The following N4BP1 variants were observed in gnomAD, a reference collection of about 807,000 sequenced individuals.
The protein encoded by N4BP1 is NEDD4-binding protein 1.
Under a neutral mutation model 70.9 loss-of-function variants are expected in N4BP1, and 21 were observed. That is an observed-to-expected ratio of 0.30 (90% CI 0.21 to 0.43). The LOEUF is 0.43. N4BP1 is among the 20% of genes least tolerant of loss of function. The pLI is 1.00. For synonymous variants in N4BP1, 387 were observed against 394.6 expected (o/e 0.98, Z 0.23); for missense variants, 936 against 1,069.4 (o/e 0.88, Z 1.74).
intron 1 of N4BP1, among the ~76,000 whole-genome samples, chr16:48,580,992 T>C (rs1366858765): frequency 6.6e-6 from 1 of 152,094 alleles, no homozygotes. Context: ...TTCATATCCG[T>C]GAGAGATCCT....
At chr16:48,604,182 G>A (rs998079113) in intron 1 of N4BP1, among the ~76,000 whole-genome samples, 1 of 152,186 alleles carries the variant, frequency 6.6e-6, no homozygotes, top group Non-Finnish European at 1.5e-5. Context: ...GAGCTCTTGC[G>A]CTCCCTCTGG....
chr16:48,597,674 T>C (rs905195111), intron 1 of N4BP1, among the ~76,000 whole-genome samples: 1 of 152,118 alleles, frequency 6.6e-6, no homozygotes, highest in African/African-American at 2.4e-5. Flanking sequence ...ATGAATGATA[T>C]CTACACTTTG....
At chr16:48,596,580 T>C (rs1415803682) in intron 1 of N4BP1, among the ~76,000 whole-genome samples, 4 of 152,158 alleles carry the variant, frequency 2.6e-5, no homozygotes, top group African/African-American at 4.8e-5. Context: ...TTGCAAAAAC[T>C]GTAACTGAGG....
rs1963695850 is a variant in N4BP1, at chr16:48,552,841, A to G, written c.2020+698T>C. On this transcript the variant is annotated intron_variant, in intron 3 of 6. Transcript: ENST00000262384. ...TGAATATGCTCTTCAAAATGGGGGAAGTTGGGAATACTTGGGAACTGTGTG... is the reference window on the plus strand; with the variant it reads ...TGAATATGCTCTTCAAAATGGGGGAGGTTGGGAATACTTGGGAACTGTGTG... 2.7e-5 allele frequency among the ~76,000 whole-genome samples: 4 copies of G among 149,274 alleles called. No individual in the cohort carries two copies. The South Asian group carries it at 8.9e-4, about 33-fold the overall frequency.
chr16:48,559,972 A>G (rs1963828868), intron 2 of N4BP1, among the ~76,000 whole-genome samples: 1 of 152,228 alleles, frequency 6.6e-6, no homozygotes, highest in South Asian at 2.1e-4. Flanking sequence ...ACAGGTCAGA[A>G]GGCAACAGAT....
chr16:48,597,481 T>G (rs1964433336), intron 1 of N4BP1, among the ~76,000 whole-genome samples: 1 of 152,212 alleles, frequency 6.6e-6, no homozygotes, highest in Non-Finnish European at 1.5e-5. Context: ...TTCCTGTAGA[T>G]AAAATTTCTG....
chr16:48,543,402 T>G (rs1597088376), intron 6 of N4BP1, 141 bp from the exon 7 acceptor site: 1 of 649,986 alleles, frequency 1.5e-6, no homozygotes, highest in Non-Finnish European at 2.4e-6. Context: ...AAGACTGAGG[T>G]GGAGATGGTG....
chr16:48,546,255 C>G lies in N4BP1; in HGVS notation c.2226-1G>C. On this transcript the variant is annotated splice_acceptor_variant, in intron 5 of 6. Transcript: ENST00000262384. LOFTEE classifies it high-confidence loss of function. The stretch of plus-strand genomic sequence containing the variant: ...CCCCACGAACGTGTACTGCAGCAGC[C>G]TACAACACAGAACACCATGAGGCTG... 1.2e-6 allele frequency: 2 copies of G among 1,600,374 alleles called. No homozygotes were observed. The highest frequency in any genetic ancestry group is 1.7e-6 in the Non-Finnish European group (2 of 1,173,820).
At position 48,610,030 on chromosome 16, in the gene N4BP1, C is replaced by CT; in HGVS notation, c.-59dup. 1 of 977,002 alleles carries CT rather than the reference C, an allele frequency of 1.0e-6. No individual in the cohort carries two copies. Among genetic ancestry groups the CT allele is most frequent in the Admixed American group, 5.4e-5 (1 of 18,372 alleles). 60.5% of individuals were successfully genotyped at this position (977,002 alleles called of 1,614,324 possible). ...GCCGGCGGCGGCGACGCCCCCTCAG[C>CT]TTGCTGCCGCTGCTCCCAAGCCAGT... On this transcript the variant is annotated 5_prime_UTR_variant, in exon 1 of 7. Coordinates refer to ENST00000262384, the MANE Select transcript of N4BP1 (RefSeq NM_153029.4).
intron 1 of N4BP1, among the ~76,000 whole-genome samples, chr16:48,579,013 GAGA>G: frequency 1.8e-5 from 1 of 56,206 alleles, no homozygotes; most frequent in East Asian, 3.4e-4. Context: ...ACAATGCCAA[GAGA>G]CATTTGACAA....
At chr16:48,575,596 A>G (rs1234095183) in intron 1 of N4BP1, among the ~76,000 whole-genome samples, 1 of 152,164 alleles carries the variant, frequency 6.6e-6, no homozygotes, top group South Asian at 2.1e-4. Flanking sequence ...ACCTGGGGAA[A>G]TGTTTCTTCA....
chr16:48,608,561 G>A (rs1165248465), intron 1 of N4BP1, among the ~76,000 whole-genome samples: 4 of 152,132 alleles, frequency 2.6e-5, no homozygotes, highest in Non-Finnish European at 5.9e-5. Flanking sequence ...AACTCCCTAG[G>A]TCTGAATCCT....
chr16:48,574,833 A>G (rs867395326), intron 1 of N4BP1, among the ~76,000 whole-genome samples: 1 of 152,206 alleles, frequency 6.6e-6, no homozygotes, highest in African/African-American at 2.4e-5. Flanking sequence ...ATTAAGTAAG[A>G]GTCAGATCCT....
chr16:48,542,254 T>G lies in N4BP1; in HGVS notation c.*650A>C, dbSNP rs1340180060. On this transcript the variant is annotated 3_prime_UTR_variant, in exon 7 of 7. Coordinates refer to ENST00000262384, the MANE Select transcript of N4BP1 (RefSeq NM_153029.4). ...GGAAGGAGGGTGGGACTCCATGGGCTCCACGATGTCTTCTAGCCCTGGTAT... is the reference window on the plus strand; with the variant it reads ...GGAAGGAGGGTGGGACTCCATGGGCGCCACGATGTCTTCTAGCCCTGGTAT... 1 of 152,396 alleles carries G rather than the reference T, an allele frequency of 6.6e-6. No individual in the cohort carries two copies. Among genetic ancestry groups the G allele is most frequent in the East Asian group, 1.9e-4 (1 of 5,192 alleles). The allele number at this position is 152,396 out of a possible 1,614,324, so 9.4% of individuals were successfully genotyped here.
chr16:48,566,586 A>G (rs1963946626), intron 1 of N4BP1, among the ~76,000 whole-genome samples: 1 of 152,100 alleles, frequency 6.6e-6, no homozygotes, highest in South Asian at 2.1e-4. Flanking sequence ...TATGATTTCA[A>G]TTATTTTAAA....
In N4BP1 at chr16:48,548,109, A is replaced by G. The variant is rs1458307727; in HGVS notation, c.2123T>C (p.Leu708Pro). 6.3e-7 allele frequency: 1 copy of G among 1,596,012 alleles called. No homozygotes were observed. Among genetic ancestry groups the G allele is most frequent in the Admixed American group, 1.7e-5 (1 of 59,804 alleles). ...ACCAGTTTTGTCCGCTAAGTGTAGT[A>G]GAAACCTATGGTAATATAAGAGAGT... ...ERIASHDDRF[L>P]LHLADKTGGI... The change falls in exon 5 of 7, where the codon CTA (leucine) becomes CCA (proline). Residue 708 changes from leucine (L) to proline (P), a missense_variant. Coordinates refer to ENST00000262384, the MANE Select transcript of N4BP1 (RefSeq NM_153029.4).
intron 2 of N4BP1, among the ~76,000 whole-genome samples, chr16:48,558,758 T>C (rs987894838): frequency 2.0e-5 from 3 of 152,208 alleles, no homozygotes; most frequent in Non-Finnish European, 2.9e-5. Context: ...TGTGGGTGAC[T>C]GAAGTGACAT....
intron 1 of N4BP1, among the ~76,000 whole-genome samples, chr16:48,565,322 G>A (rs1963925773): frequency 6.6e-6 from 1 of 152,064 alleles, no homozygotes; most frequent in Non-Finnish European, 1.5e-5. Flanking sequence ...ATCACATTGA[G>A]GAAGTTACCT....
At chr16:48,546,035 A>T (rs951633166) in intron 6 of N4BP1, 112 bp downstream of exon 6, 2 of 674,038 alleles carry the variant, frequency 3.0e-6, no homozygotes. Flanking sequence ...CTCAAAAAAA[A>T]AAAAAATAAT....
Sources: allele counts gnomAD v4.1 joint callset (sites outside exome capture counted in the v4.1 genomes callset), GRCh38; gene constraint gnomAD v4.1.1; transcripts MANE v1.5; gene names NCBI Gene and HGNC (gene_info 2026-07-23, HGNC 2026-07-21).